DIPK1A: variants seen among roughly 807,000 people sequenced by gnomAD.
DIPK1A encodes divergent protein kinase domain 1A, also known as family with sequence similarity 69 member A.
DIPK1A carries 27 observed loss-of-function variants against 40.8 expected under a neutral mutation model. The ratio of observed to expected loss-of-function variants is 0.66; its 90% CI spans 0.49 to 0.91. DIPK1A has a LOEUF of 0.91. Ranked by LOEUF, DIPK1A falls within the 40% of genes least tolerant of loss-of-function variation. The pLI, the probability that DIPK1A is intolerant of heterozygous loss-of-function variation, is 0.00. For synonymous variants in DIPK1A, 166 were observed against 171.3 expected, an observed-to-expected ratio of 0.97 and a Z score of 0.24; for missense variants, 412 against 505.7, an observed-to-expected ratio of 0.81 and a Z score of 1.78.
At chr1:92,948,052 G>A (rs1651442309) in intron 1 of DIPK1A, among the ~76,000 whole-genome samples, 1 of 152,198 alleles carries the variant, frequency 6.6e-6, no homozygotes, top group Non-Finnish European at 1.5e-5. Flanking sequence ...AGAGGATTTT[G>A]TATGTTCCCA....
chr1:92,940,582 C>T (rs1651114173), intron 1 of DIPK1A, among the ~76,000 whole-genome samples: 2 of 152,204 alleles, frequency 1.3e-5, no homozygotes, highest in Non-Finnish European at 2.9e-5. Flanking sequence ...GTAGCCCTTT[C>T]AGCAATGGAG....
At chr1:92,845,508 G>GAAAAAAAA in intron 4 of DIPK1A, 1 of 198,460 alleles carries the variant, frequency 5.0e-6, no homozygotes, top group South Asian at 3.2e-5. Flanking sequence ...GTCTATGCTA[G>GAAAAAAAA]AAAAAAAAAA....
At chr1:92,930,195 A>C (rs938148405) in intron 1 of DIPK1A, among the ~76,000 whole-genome samples, 89 of 152,176 alleles carry the variant, frequency 5.8e-4, no homozygotes, top group Non-Finnish European at 7.1e-4. Context: ...CCTCAAAAGC[A>C]TGGCCTTTTG....
downstream of DIPK1A, chr1:92,840,876 TA>T: frequency 6.4e-6 from 4 of 624,998 alleles, no homozygotes; most frequent in South Asian, 5.8e-5. Context: ...TGCATTTTTT[TA>T]TTGGCTGACA....
At position 92,834,791 on chromosome 1, in the gene DIPK1A, C is replaced by T. The variant is rs750383596; in HGVS notation, c.475-1757G>A. 8 of 1,613,056 alleles carry T rather than the reference C, an allele frequency of 5.0e-6. No homozygotes were observed. The highest frequency in any genetic ancestry group is 4.0e-5 in the African/African-American group (3 of 74,870). On this transcript the variant is annotated intron_variant, in intron 4 of 4. Transcript: ENST00000615519. ...TCTCTTACTATAGATTGCTTATGCC[C>T]GTATAGAGGGGGATATGATAGTCTG...
intron 1 of DIPK1A, among the ~76,000 whole-genome samples, chr1:92,952,774 A>T (rs58841378): frequency 0.019 from 2,861 of 151,338 alleles, 87 homozygotes; most frequent in African/African-American, 0.065. Flanking sequence ...CTTTTTTTTA[A>T]AAAAAAATAC....
chr1:92,957,877 T>C (rs1327524131), intron 1 of DIPK1A, among the ~76,000 whole-genome samples: 2 of 152,196 alleles, frequency 1.3e-5, no homozygotes, highest in Non-Finnish European at 2.9e-5. Flanking sequence ...TTCATATCCA[T>C]CAGTAGTTAC....
chr1:92,892,479 T>C (rs565883959), intron 1 of DIPK1A, among the ~76,000 whole-genome samples: 1 of 152,082 alleles, frequency 6.6e-6, no homozygotes, highest in South Asian at 2.1e-4. Context: ...AGAAAGGACA[T>C]CCACACCAAA....
At chr1:92,923,179 C>T (rs1650338065) in intron 1 of DIPK1A, among the ~76,000 whole-genome samples, 2 of 152,112 alleles carry the variant, frequency 1.3e-5, no homozygotes, top group Non-Finnish European at 2.9e-5. Flanking sequence ...CACTCTGTTG[C>T]CCAGGCTGGG....
At chr1:92,863,571 CA>C (rs10650458) in intron 2 of DIPK1A, among the ~76,000 whole-genome samples, 2,929 of 101,012 alleles carry the variant, frequency 0.029, 35 homozygotes, top group African/African-American at 0.043. Context: ...CTGTCTCTAC[CA>C]AAAAAAAAAA....
chr1:92,902,752 G>T (rs2255723), intron 1 of DIPK1A, among the ~76,000 whole-genome samples: 108,580 of 152,066 alleles, frequency 0.71, 39,589 homozygotes, highest in East Asian at 0.95. Flanking sequence ...GGATGATGTT[G>T]CCTTCCGTTC....
At chr1:92,834,286 T>C (rs973197265) in intron 4 of DIPK1A, among the ~76,000 whole-genome samples, 2 of 152,212 alleles carry the variant, frequency 1.3e-5, no homozygotes, top group Admixed American at 6.5e-5. Flanking sequence ...AAATAGGTTT[T>C]AATAAAATGT....
At chr1:92,922,970 G>A (rs1305295913) in intron 1 of DIPK1A, among the ~76,000 whole-genome samples, 1 of 150,436 alleles carries the variant, frequency 6.6e-6, no homozygotes, top group Non-Finnish European at 1.5e-5. Context: ...TCTCAAATCT[G>A]TTTTCCACAT....
At chr1:92,878,724 G>T (rs1169542143) in intron 1 of DIPK1A, among the ~76,000 whole-genome samples, 1 of 152,190 alleles carries the variant, frequency 6.6e-6, no homozygotes, top group Non-Finnish European at 1.5e-5. Context: ...GGAGTCTGAG[G>T]CAGGAGAATA....
At position 92,961,140 on chromosome 1, in the gene DIPK1A, C is replaced by G. The variant is rs1181928687; in HGVS notation, c.54+236G>C. Among the ~76,000 whole-genome samples the G allele has an allele frequency of 2.0e-5, 3 of 151,424 alleles. No individual in the cohort carries two copies. The East Asian group carries it at 5.8e-4, about 30-fold the overall frequency. On this transcript the variant is annotated intron_variant, in intron 1 of 4. Transcript: ENST00000370310. Reference sequence around the variant, plus strand: ...GTACCCGGGCGGGACGACTCGGGCCCTGGAGCCCGGCTGGCCGCGGCGCGG... The same window carrying G: ...GTACCCGGGCGGGACGACTCGGGCCGTGGAGCCCGGCTGGCCGCGGCGCGG...
chr1:92,874,957 A>G (rs770005101), intron 2 of DIPK1A, among the ~76,000 whole-genome samples: 1 of 152,068 alleles, frequency 6.6e-6, no homozygotes, highest in Non-Finnish European at 1.5e-5. Context: ...TTAAGGATCT[A>G]GAATGGCCAG....
chr1:92,903,950 C>A (rs1649512767), intron 1 of DIPK1A, among the ~76,000 whole-genome samples: 1 of 152,170 alleles, frequency 6.6e-6, no homozygotes, highest in Non-Finnish European at 1.5e-5. Flanking sequence ...ATAGCTGCAG[C>A]AGTTTTTAGA....
chr1:92,853,949 C>G (rs1571058952), intron 2 of DIPK1A, among the ~76,000 whole-genome samples: 1 of 152,144 alleles, frequency 6.6e-6, no homozygotes, highest in East Asian at 1.9e-4. Flanking sequence ...TGCAATGGCA[C>G]AATCATGGCT....
At chr1:92,894,316 G>A (rs924995064) in intron 1 of DIPK1A, among the ~76,000 whole-genome samples, 22 of 152,070 alleles carry the variant, frequency 1.4e-4, no homozygotes, top group African/African-American at 5.3e-4. Flanking sequence ...TCAGACCACA[G>A]TGCAATCAAA....
Sources: allele counts gnomAD v4.1 joint callset (sites outside exome capture counted in the v4.1 genomes callset), GRCh38; gene constraint gnomAD v4.1.1; transcripts MANE v1.5; gene names NCBI Gene and HGNC (gene_info 2026-07-23, HGNC 2026-07-21).